Variants in RWDD1 observed in about 807,000 individuals in gnomAD.
RWDD1 encodes RWD domain-containing protein 1.
RWDD1 carries 17 observed loss-of-function variants against 31.6 expected under a neutral mutation model. The observed-to-expected ratio is 0.54, with a 90% CI of 0.37 to 0.81. The LOEUF is 0.81. Ranked by LOEUF, RWDD1 falls within the 30% of genes least tolerant of loss-of-function variation. The pLI, the probability that RWDD1 is intolerant of heterozygous loss-of-function variation, is 0.00. For synonymous variants in RWDD1, 78 were observed against 94.2 expected, an observed-to-expected ratio of 0.83 and a Z score of 0.99; for missense variants, 204 against 274.5, an observed-to-expected ratio of 0.74 and a Z score of 1.82.
At chr6:116,573,665 C>T (rs915515923) in intron 1 of RWDD1, among the ~76,000 whole-genome samples, 4 of 152,032 alleles carry the variant, frequency 2.6e-5, no homozygotes, top group African/African-American at 9.7e-5. Context: ...TTTATGATTC[C>T]ATACTTTTGT....
intron 1 of RWDD1, among the ~76,000 whole-genome samples, chr6:116,577,930 T>G (rs577394723): frequency 5.9e-5 from 9 of 152,298 alleles, no homozygotes; most frequent in Non-Finnish European, 1.3e-4. Context: ...CCTATATATA[T>G]CTTTAGCTTT....
Position 116,596,053 on chromosome 6 carries a change from T to C in RWDD1, c.*2952T>C, listed in dbSNP as rs960738854. 6.6e-6 allele frequency: 1 copy of C among 152,236 alleles called. No homozygotes were observed. The highest frequency in any genetic ancestry group is 6.5e-5 in the Admixed American group (1 of 15,282). The allele number at this position is 152,236 out of a possible 1,614,324, so 9.4% of individuals were successfully genotyped here. A position where few individuals can be genotyped will look rare whatever the true frequency, so the allele number is the denominator to read the frequency against. The stretch of plus-strand genomic sequence containing the variant: ...TCTTGTATTCCAGAAAGAAGATGAT[T>C]TGTAAGTGTTCAGTATTTGTGTGGC... On this transcript the variant is annotated 3_prime_UTR_variant, in exon 7 of 7. Transcript: ENST00000466444.
chr6:116,583,240 G>A (rs2115329874), intron 2 of RWDD1, among the ~76,000 whole-genome samples: 1 of 152,250 alleles, frequency 6.6e-6, no homozygotes, highest in East Asian at 1.9e-4. Flanking sequence ...GCTGTCCAAA[G>A]TACTGAGATT....
At chr6:116,590,227 C>A in intron 4 of RWDD1, 45 bp from the exon 5 acceptor site, 1 of 1,059,020 alleles carries the variant, frequency 9.4e-7, no homozygotes, top group Non-Finnish European at 1.4e-6. Context: ...ATTTATTAAA[C>A]TGCTGTTTCA....
At chr6:116,574,765 C>T (rs1197148605) in intron 1 of RWDD1, among the ~76,000 whole-genome samples, 1 of 143,906 alleles carries the variant, frequency 6.9e-6, no homozygotes, top group African/African-American at 2.6e-5. Context: ...CCCTTCCCTC[C>T]CCTCCCCTCC....
At chr6:116,582,175 ATTAT>A (rs1421167461) in intron 2 of RWDD1, among the ~76,000 whole-genome samples, 4 of 151,432 alleles carry the variant, frequency 2.6e-5, no homozygotes, top group East Asian at 1.9e-4. Context: ...TGATAATGGG[ATTAT>A]TTGTTATTTT....
chr6:116,586,463 C>T (rs1055874469), intron 3 of RWDD1, among the ~76,000 whole-genome samples: 19 of 151,844 alleles, frequency 1.3e-4, no homozygotes, highest in African/African-American at 4.4e-4. Context: ...CTTTTCATTT[C>T]AGTTACACAT....
rs375475041 is a variant in RWDD1, at chr6:116,585,531, TACTC to T, written c.270+675_270+678del. 3.5e-3 allele frequency among the ~76,000 whole-genome samples: 536 copies of T among 152,300 alleles called. 4 individuals carry two copies. Among genetic ancestry groups the T allele is most frequent in the Middle Eastern group, 6.8e-3 (2 of 294 alleles). On this transcript the variant is annotated intron_variant, in intron 3 of 6. Transcript: ENST00000466444. ...AGAGTAGGGAGGGGGGTAAAATTCT[TACTC>T]CACCATCTTAAAGTCAGAAGTCCTA... is the stretch of plus-strand genomic sequence containing the variant.
At chr6:116,574,817 C>T (rs1352809585) in intron 1 of RWDD1, among the ~76,000 whole-genome samples, 2 of 149,388 alleles carry the variant, frequency 1.3e-5, no homozygotes, top group East Asian at 4.0e-4. Context: ...GTCACCCAGG[C>T]TGGAGTGCAG....
intron 1 of RWDD1, among the ~76,000 whole-genome samples, chr6:116,573,285 C>T (rs1484967887): frequency 6.6e-6 from 1 of 152,082 alleles, no homozygotes; most frequent in Non-Finnish European, 1.5e-5. Flanking sequence ...TCAAATTGTA[C>T]TAGGCCCTGA....
At chr6:116,589,115 T>TG in intron 4 of RWDD1, 130 bp downstream of exon 4, 1 of 799,090 alleles carries the variant, frequency 1.3e-6, no homozygotes, top group Non-Finnish European at 1.6e-6. Context: ...TAAATTTTAG[T>TG]AAAGTTTCAC....
chr6:116,583,872 C>T lies in RWDD1; in HGVS notation c.140-855C>T, dbSNP rs1330338058. Among the ~76,000 whole-genome samples the T allele has an allele frequency of 2.0e-5, 3 of 152,116 alleles. No homozygotes were observed. In the East Asian group the frequency reaches 5.8e-4, roughly 29 times the overall value. The stretch of plus-strand genomic sequence containing the variant: ...TATCATAACATGAAAAATAAAATAT[C>T]AAACCTGCAAATTTTAAAGTGCTTT... On this transcript the variant is annotated intron_variant, in intron 2 of 6. Coordinates refer to ENST00000466444, the MANE Select transcript of RWDD1 (RefSeq NM_015952.4).
chr6:116,571,753 G>A (rs1774740713), intron 1 of RWDD1, 98 bp downstream of exon 1: 3 of 1,043,486 alleles, frequency 2.9e-6, no homozygotes, highest in Admixed American at 6.0e-5. Context: ...GGTGGAGAAG[G>A]GGACCTTGAG....
At chr6:116,585,004 T>C in intron 3 of RWDD1, 147 bp downstream of exon 3, 1 of 687,766 alleles carries the variant, frequency 1.5e-6, no homozygotes, top group Non-Finnish European at 2.4e-6. Context: ...GCATCTTTAT[T>C]TTTGTTTCCT....
intron 1 of RWDD1, 186 bp from the exon 2 acceptor site, chr6:116,580,108 AC>A (rs1433656148): frequency 1.9e-5 from 7 of 372,310 alleles, no homozygotes; most frequent in African/African-American, 6.2e-5. Flanking sequence ...ATTAAAGACA[AC>A]CCTCCATTTA....
chr6:116,583,432 G>A (rs921058188), intron 2 of RWDD1, among the ~76,000 whole-genome samples: 8 of 151,982 alleles, frequency 5.3e-5, no homozygotes, highest in Admixed American at 4.6e-4. Flanking sequence ...ATAAGTTTGG[G>A]GATCTAATGC....
chr6:116,590,520 A>T, intron 5 of RWDD1, 116 bp downstream of exon 5: 1 of 1,283,854 alleles, frequency 7.8e-7, no homozygotes, highest in Non-Finnish European at 1.0e-6. Flanking sequence ...GGCATCTAGG[A>T]CAAAAAGAGA....
At chr6:116,577,192 A>G (rs1318456243) in intron 1 of RWDD1, among the ~76,000 whole-genome samples, 2 of 152,196 alleles carry the variant, frequency 1.3e-5, no homozygotes, top group African/African-American at 4.8e-5. Context: ...AATGTGATAA[A>G]ATCTGCTTGC....
At chr6:116,586,375 C>T (rs1200446942) in intron 3 of RWDD1, among the ~76,000 whole-genome samples, 1 of 151,084 alleles carries the variant, frequency 6.6e-6, no homozygotes, top group African/African-American at 2.4e-5. Context: ...ATACATAGTC[C>T]CCCCTCCCAC....
Sources: gnomAD v4.1 joint callset for allele counts (sites outside exome capture counted in the v4.1 genomes callset) on GRCh38, gnomAD v4.1.1 for gene constraint, MANE v1.5 for transcripts, NCBI Gene and HGNC (gene_info 2026-07-23, HGNC 2026-07-21) for gene names.